The following GPR143 variants were observed in gnomAD, a reference collection of about 807,000 sequenced individuals.
The protein encoded by GPR143 is G-protein coupled receptor 143.
GPR143 carries 8 observed loss-of-function variants against 27.6 expected under a neutral mutation model. The ratio of observed to expected loss-of-function variants is 0.29; its 90% confidence interval spans 0.17 to 0.52. GPR143 has a LOEUF of 0.52. Among genes scored for constraint, GPR143 ranks in the 20% least tolerant of loss-of-function variants. The pLI is 0.96. For missense variants in GPR143, 303 were observed against 343.1 expected (o/e 0.88, Z 0.92); for synonymous variants, 156 against 153.2 (o/e 1.02, Z -0.13).
At chrX:9,758,758 T>G (rs916471777) in intron 3 of GPR143, among the ~76,000 whole-genome samples, 1 of 110,582 alleles carries the variant, frequency 9.0e-6, no homozygotes. Context: ...GTGGCACATG[T>G]CTGTAGTCCC....
At chrX:9,760,481 C>G (rs2732872) in intron 2 of GPR143, among the ~76,000 whole-genome samples, 3 of 110,407 alleles carry the variant, frequency 2.7e-5, no homozygotes, top group African/African-American at 9.9e-5. Context: ...TGGTTTTGCT[C>G]GTGGCCCCAT....
intron 1 of GPR143, among the ~76,000 whole-genome samples, chrX:9,774,287 C>A (rs917332224): frequency 4.4e-5 from 5 of 112,886 alleles, no homozygotes; most frequent in African/African-American, 1.6e-4. Context: ...AGGATTCAGT[C>A]CCTTGTGGGC....
chrX:9,746,661 T>C (rs957620088), intron 4 of GPR143, among the ~76,000 whole-genome samples: 1 of 111,203 alleles, frequency 9.0e-6, no homozygotes, highest in Admixed American at 9.6e-5. Flanking sequence ...TGGATAACAA[T>C]AGTTTCAGAG....
rs1463938758 is a variant in GPR143, at chrX:9,765,740, C to A, written c.78G>T (p.Pro26=). The A allele has an allele frequency of 5.3e-6, 6 of 1,124,610 alleles. No individual in the cohort carries two copies. Among genetic ancestry groups the A allele is most frequent in the Non-Finnish European group, 7.0e-6 (6 of 857,580 alleles). 92.7% of individuals were successfully genotyped at this position (1,124,610 alleles called of 1,213,427 possible). A position where few individuals can be genotyped will look rare whatever the true frequency, so the allele number is the denominator to read the frequency against. Residue 26 remains proline (P), a synonymous_variant, in exon 1 of 9, where the codon CCG becomes CCT. Coordinates refer to ENST00000467482, the MANE Select transcript of GPR143 (RefSeq NM_000273.3). ...CCAGGCAGAGCGCGTGGAAGGCCCG[C>A]GGCTGGAAGCTCAGCACGAGCTGCG... ...AATQLVLSFQ[P]RAFHALCLGS...
chrX:9,766,116 T>G, upstream of GPR143: 1 of 185,109 alleles, frequency 5.4e-6, no homozygotes, highest in Non-Finnish European at 1.0e-5. Context: ...GTTGGGAAGG[T>G]TACCTTTCTC....
intron 1 of GPR143, among the ~76,000 whole-genome samples, chrX:9,761,338 T>C (rs1433635524): frequency 1.8e-5 from 2 of 112,461 alleles, no homozygotes; most frequent in African/African-American, 3.2e-5. Context: ...AAGTGATCTG[T>C]CCGCCTTGGT....
chrX:9,743,514 A>G (rs1295480312), intron 6 of GPR143, 51 bp downstream of exon 6: 2 of 699,368 alleles, frequency 2.9e-6, no homozygotes, highest in Admixed American at 2.2e-5. Flanking sequence ...AGTTGTTTCC[A>G]TAGCCCTTCC....
intron 3 of GPR143, among the ~76,000 whole-genome samples, chrX:9,756,014 T>C (rs2083472660): frequency 9.0e-6 from 1 of 111,541 alleles, no homozygotes; most frequent in African/African-American, 3.3e-5. Flanking sequence ...AAAAATGAAG[T>C]AAGCACTAAA....
chrX:9,746,299 C>G (rs763075170), intron 4 of GPR143, 146 bp from the exon 5 acceptor site: 38 of 496,860 alleles, frequency 7.6e-5, no homozygotes, highest in Non-Finnish European at 1.3e-4. Context: ...AAATGTGAGT[C>G]ATTTCTCATG....
chrX:9,760,913 AT>A, intron 1 of GPR143, 87 bp from the exon 2 acceptor site: 1 of 502,531 alleles, frequency 2.0e-6, no homozygotes, highest in Non-Finnish European at 3.6e-6. Flanking sequence ...TAGATACATA[AT>A]AGATAGAGAT....
intron 5 of GPR143, among the ~76,000 whole-genome samples, chrX:9,745,236 A>G (rs934234367): frequency 1.1e-4 from 13 of 113,210 alleles, no homozygotes; most frequent in African/African-American, 4.2e-4. Flanking sequence ...GCCTGGGGTG[A>G]CAGAGCGAGA....
intron 3 of GPR143, among the ~76,000 whole-genome samples, chrX:9,752,279 G>C (rs1376142750): frequency 9.0e-6 from 1 of 111,360 alleles, no homozygotes; most frequent in East Asian, 2.8e-4. Flanking sequence ...TGTTGCCCAG[G>C]CTTGTCTCAA....
At chrX:9,755,490 T>TA (rs34266967) in intron 3 of GPR143, among the ~76,000 whole-genome samples, 5,417 of 74,979 alleles carry the variant, frequency 0.072, 419 homozygotes, top group African/African-American at 0.22. Context: ...AAACTCCATC[T>TA]AAAAAAAAAA....
intron 7 of GPR143, 88 bp from the exon 8 acceptor site, chrX:9,739,807 C>G: frequency 1.6e-6 from 1 of 627,413 alleles, no homozygotes; most frequent in Non-Finnish European, 2.6e-6. Flanking sequence ...CACACTCCCC[C>G]CAGGATGCCC....
At chrX:9,767,337 C>T (rs1042849264), upstream of GPR143, among the ~76,000 whole-genome samples, 1 of 109,661 alleles carries the variant, frequency 9.1e-6, no homozygotes, top group African/African-American at 3.3e-5. Flanking sequence ...ACCCTTCCTC[C>T]TCTCTCCTGG....
upstream of GPR143, among the ~76,000 whole-genome samples, chrX:9,770,461 C>T (rs1396817906): frequency 9.1e-6 from 1 of 110,323 alleles, no homozygotes; most frequent in Non-Finnish European, 1.9e-5. Context: ...GTAAGTCTAC[C>T]ACCTGAGGCT....
intron 1 of GPR143, 55 bp downstream of exon 1, chrX:9,765,513 C>T (rs2083526774): frequency 2.9e-6 from 3 of 1,040,070 alleles, no homozygotes; most frequent in Non-Finnish European, 3.7e-6. Context: ...GCGGGCCACG[C>T]GCCCTCACCC....
At chrX:9,735,612 T>C (rs1216851571) in intron 8 of GPR143, among the ~76,000 whole-genome samples, 2 of 111,768 alleles carry the variant, frequency 1.8e-5, no homozygotes, top group African/African-American at 6.5e-5. Context: ...AAATTATACT[T>C]CTCAGGAACA....
chrX:9,773,757 G>A (rs1311599147), intron 1 of GPR143, among the ~76,000 whole-genome samples: 1 of 108,744 alleles, frequency 9.2e-6, no homozygotes, highest in African/African-American at 3.4e-5. Context: ...CCAACTACCT[G>A]GGAGGCTAAG....
Sources: gnomAD v4.1 joint callset for allele counts (sites outside exome capture counted in the v4.1 genomes callset) on GRCh38, gnomAD v4.1.1 for gene constraint, MANE v1.5 for transcripts, NCBI Gene and HGNC (gene_info 2026-07-23, HGNC 2026-07-21) for gene names.